The following OR7D2 variants were observed in gnomAD, a reference collection of about 807,000 sequenced individuals.
OR7D2 encodes the protein olfactory receptor family 7 subfamily D member 2.
For missense variants in OR7D2, 370 were observed against 384.1 expected, an observed-to-expected ratio of 0.96 and a Z score of 0.31; for synonymous variants, 158 against 158.7, an observed-to-expected ratio of 1.00 and a Z score of 0.03.
At chr19:9,185,351 T>A (rs1456426800) in intron 2 of OR7D2, among the ~76,000 whole-genome samples, 5 of 151,788 alleles carry the variant, frequency 3.3e-5, no homozygotes, top group African/African-American at 1.2e-4. Context: ...GTGGTTGAGA[T>A]GAGAGACTTC....
chr19:9,183,487 G>A (rs1362994696), intron 2 of OR7D2, among the ~76,000 whole-genome samples: 1 of 151,536 alleles, frequency 6.6e-6, no homozygotes, highest in Non-Finnish European at 1.5e-5. Context: ...TGTGTTGTTC[G>A]GGCTGGTCTT....
chr19:9,186,116 C>T lies in OR7D2; in HGVS notation c.335C>T (p.Thr112Met), dbSNP rs533696058. The T allele has an allele frequency of 7.4e-5, 119 of 1,614,044 alleles. No individual in the cohort carries two copies. Among genetic ancestry groups the T allele is most frequent in the South Asian group, 2.3e-4 (21 of 91,080 alleles). Residue 112 changes from threonine (T) to methionine (M), a missense_variant, in exon 3 of 3, where the codon ACG (threonine) becomes ATG (methionine). Physicochemically the swap from Thr to Met is moderately conservative, Grantham distance 81. Coordinates refer to ENST00000641288, the MANE Select transcript of OR7D2 (RefSeq NM_175883.4). ...TCCATGTTTTTTCCTATTCTGGACA[C>T]GCTACTCCTGACCGTGATGGCCTAT... ...YFSMFFPILD[T>M]LLLTVMAYDR...
intron 1 of OR7D2, among the ~76,000 whole-genome samples, chr19:9,180,233 C>T (rs2050980647): frequency 6.7e-6 from 1 of 150,284 alleles, no homozygotes; most frequent in East Asian, 1.9e-4. Context: ...TCTTTCTGGG[C>T]TCAAGCAAAC....
In OR7D2 at chr19:9,188,223, C is replaced by G. The variant is rs757416484; in HGVS notation, c.*1503C>G. ...TCTCCTGCCTCAACCTCCTGAGTAG[C>G]TGGGACTACAGGCACCTGCCACCCC... is the stretch of plus-strand genomic sequence containing the variant. On this transcript the variant is annotated 3_prime_UTR_variant, in exon 3 of 3. Coordinates refer to ENST00000641288, the MANE Select transcript of OR7D2 (RefSeq NM_175883.4). 5 of 152,302 alleles carry G rather than the reference C, an allele frequency of 3.3e-5. No individual in the cohort carries two copies. Among genetic ancestry groups the G allele is most frequent in the Non-Finnish European group, 7.3e-5 (5 of 68,184 alleles). 9.4% of individuals were successfully genotyped at this position (152,302 alleles called of 1,614,324 possible).
At position 9,185,875 on chromosome 19, in the gene OR7D2, C is replaced by G. The variant is rs2051026989; in HGVS notation, c.94C>G (p.Leu32Val). The change falls in exon 3 of 3, where the codon CTG becomes GTG. Residue 32 changes from leucine to valine, a missense_variant. Coordinates refer to ENST00000641288, the MANE Select transcript of OR7D2 (RefSeq NM_175883.4). ...ACAGCCGTTCATATTTGGGCTGTTC[C>G]TGTCCATGTACCTGGTGACGGTGCT... Reference protein sequence around the residue: ...ELQPFIFGLFLSMYLVTVLGN... With the variant: ...ELQPFIFGLFVSMYLVTVLGN... The G allele has an allele frequency of 3.1e-6, 5 of 1,613,880 alleles. No homozygotes were observed. The highest frequency in any genetic ancestry group is 4.2e-6 in the Non-Finnish European group (5 of 1,179,852).
Position 9,186,206 on chromosome 19 carries a change from G to A in OR7D2, c.425G>A (p.Gly142Asp), listed in dbSNP as rs538116544. Residue 142 changes from glycine to aspartate, a missense_variant, in exon 3 of 3, where the codon GGC becomes GAC. Gly to Asp is a moderately conservative substitution (Grantham distance 94). Coordinates refer to ENST00000641288, the MANE Select transcript of OR7D2 (RefSeq NM_175883.4). ...YMIIMNPHLC[G>D]LLVFVTWLIG... The stretch of plus-strand genomic sequence containing the variant: ...ATCATCATGAACCCCCACCTCTGTG[G>A]CCTCCTGGTTTTTGTCACCTGGCTC... 1.7e-4 allele frequency: 271 copies of A among 1,614,060 alleles called. No homozygotes were observed. The highest frequency in any genetic ancestry group is 2.5e-4 in the Admixed American group (15 of 60,006).
intron 1 of OR7D2, among the ~76,000 whole-genome samples, chr19:9,179,408 C>T (rs8101507): frequency 0.29 from 43,872 of 151,372 alleles, 6,603 homozygotes; most frequent in Non-Finnish European, 0.32. Context: ...GGCATGGTGG[C>T]GGATGCCTGT....
At chr19:9,184,743 T>G (rs1484123056) in intron 2 of OR7D2, among the ~76,000 whole-genome samples, 1 of 152,104 alleles carries the variant, frequency 6.6e-6, no homozygotes, top group Non-Finnish European at 1.5e-5. Flanking sequence ...GTATATATAT[T>G]CCATTGTGTG....
intron 2 of OR7D2, among the ~76,000 whole-genome samples, chr19:9,181,215 A>G (rs1181741124): frequency 1.3e-5 from 2 of 150,856 alleles, no homozygotes; most frequent in Non-Finnish European, 2.9e-5. Context: ...ATAGATATAT[A>G]ATACACTATT....
intron 1 of OR7D2, among the ~76,000 whole-genome samples, chr19:9,179,642 C>G (rs545362223): frequency 6.6e-6 from 1 of 152,294 alleles, no homozygotes; most frequent in Non-Finnish European, 1.5e-5. Flanking sequence ...TCAGTAGGAA[C>G]TGGCACTTCC....
In OR7D2 at chr19:9,187,637, C is replaced by G. The variant is rs1431392921; in HGVS notation, c.*917C>G. On this transcript the variant is annotated 3_prime_UTR_variant, in exon 3 of 3. Transcript: ENST00000641288. ...TAGTAGTCTCTTATTCCTCACCCCC[C>G]TCCCAACCTTTCTCCCTTCAAGTCA... The G allele has an allele frequency of 6.0e-6, 1 of 166,998 alleles. No homozygotes were observed. The highest frequency in any genetic ancestry group is 1.9e-4 in the East Asian group (1 of 5,200). 10.3% of individuals were successfully genotyped at this position (166,998 alleles called of 1,614,324 possible).
Position 9,186,640 on chromosome 19 carries a change from C to G in OR7D2, c.859C>G (p.Pro287Ala). Reference sequence around the variant, plus strand: ...CACTGTGGTCACCCCCATGTTGAACCCCTTCATCTACAGCCTGAGGAACAA... The same window carrying G: ...CACTGTGGTCACCCCCATGTTGAACGCCTTCATCTACAGCCTGAGGAACAA... Reference protein sequence around the residue: ...MYTVVTPMLNPFIYSLRNKDV... With the variant: ...MYTVVTPMLNAFIYSLRNKDV... The change falls in exon 3 of 3, where the codon CCC becomes GCC. Residue 287 changes from proline (P) to alanine (A), a missense_variant. Physicochemically the swap from Pro to Ala is conservative, Grantham distance 27 (BLOSUM62 -1). Transcript: ENST00000641288. The G allele has an allele frequency of 1.2e-6, 2 of 1,614,094 alleles. No individual in the cohort carries two copies. Among genetic ancestry groups the G allele is most frequent in the Non-Finnish European group, 1.7e-6 (2 of 1,180,016 alleles).
In OR7D2 at chr19:9,183,812, C is replaced by T. The variant is rs529350990; in HGVS notation, c.-13-1957C>T. Among the ~76,000 whole-genome samples, 22 of 148,346 alleles carry T rather than the reference C, an allele frequency of 1.5e-4. No individual in the cohort carries two copies. The South Asian group carries it at 4.1e-3, about 28-fold the overall frequency. ...CTCTACTAAAAGTACAAAAAATTAG[C>T]CGGGCGAGGTGGCGGGCGCCTGTAG... On this transcript the variant is annotated intron_variant, in intron 2 of 2. Transcript: ENST00000641288.
rs2051055679 is a variant in OR7D2 at position 9,188,468 on chromosome 19, T to C, written c.*1748T>C. On this transcript the variant is annotated 3_prime_UTR_variant, in exon 3 of 3. Transcript: ENST00000641288. ...GACACGTAGGTTGATTCCATATCTT[T>C]GCTAATGTGAATAGTGCCGTGATAA... The C allele has an allele frequency of 6.0e-6, 1 of 167,104 alleles. No homozygotes were observed. Among genetic ancestry groups the C allele is most frequent in the Non-Finnish European group, 1.5e-5 (1 of 68,134 alleles). 10.4% of individuals were successfully genotyped at this position (167,104 alleles called of 1,614,324 possible). A position where few individuals can be genotyped will look rare whatever the true frequency, so the allele number is the denominator to read the frequency against.
Position 9,185,871 on chromosome 19 carries a change from G to C in OR7D2, c.90G>C (p.Leu30=). Residue 30 remains leucine, a synonymous_variant, in exon 3 of 3, where the codon CTG becomes CTC. Coordinates refer to ENST00000641288, the MANE Select transcript of OR7D2 (RefSeq NM_175883.4). ...DPELQPFIFG[L]FLSMYLVTVL... ...AACTACAGCCGTTCATATTTGGGCT[G>C]TTCCTGTCCATGTACCTGGTGACGG... 10 of 1,613,796 alleles carry C rather than the reference G, an allele frequency of 6.2e-6. No individual in the cohort carries two copies. Among genetic ancestry groups the C allele is most frequent in the Non-Finnish European group, 8.5e-6 (10 of 1,179,836 alleles).
chr19:9,186,767 C>T lies in OR7D2; in HGVS notation c.*47C>T. 1 of 1,254,684 alleles carries T rather than the reference C, an allele frequency of 8.0e-7. No individual in the cohort carries two copies. The highest frequency in any genetic ancestry group is 1.9e-4 in the Middle Eastern group (1 of 5,194). 77.7% of individuals were successfully genotyped at this position (1,254,684 alleles called of 1,614,324 possible). ...TAAGAAGTTTTGTGAGCACCAATGG[C>T]AAAAATGTTTTATTTTGAAATTCTT... On this transcript the variant is annotated 3_prime_UTR_variant, in exon 3 of 3. Coordinates refer to ENST00000641288, the MANE Select transcript of OR7D2 (RefSeq NM_175883.4).
intron 2 of OR7D2, among the ~76,000 whole-genome samples, chr19:9,184,766 T>C (rs1331636396): frequency 6.6e-6 from 1 of 152,182 alleles, no homozygotes; most frequent in Non-Finnish European, 1.5e-5. Flanking sequence ...TATATATGTA[T>C]GTGTGTGTAT....
Position 9,186,374 on chromosome 19 carries a change from T to A in OR7D2, c.593T>A (p.Leu198Ter). The change falls in exon 3 of 3, where the codon TTG becomes TAG. Residue 198 changes from leucine (L) to a stop codon, truncating the protein, a stop_gained. Transcript: ENST00000641288. LOFTEE classifies it low-confidence loss of function (END_TRUNC). ...ACSDTFLNST[L>*]IYFMTGVLGV... is the part of the protein sequence containing the mutation. ...TCTGATACCTTCCTGAACAGCACGT[T>A]GATATACTTTATGACGGGTGTGCTG... The A allele has an allele frequency of 6.2e-7, 1 of 1,613,900 alleles. No homozygotes were observed. Among genetic ancestry groups the A allele is most frequent in the Non-Finnish European group, 8.5e-7 (1 of 1,179,836 alleles).
intron 1 of OR7D2, among the ~76,000 whole-genome samples, chr19:9,180,327 G>T (rs368204202): frequency 3.9e-5 from 6 of 152,050 alleles, no homozygotes; most frequent in East Asian, 3.9e-4. Context: ...GTCTAGGCTG[G>T]TCTCAAACTC....
Sources: gnomAD v4.1 joint callset for allele counts (sites outside exome capture counted in the v4.1 genomes callset) on GRCh38, gnomAD v4.1.1 for gene constraint, MANE v1.5 for transcripts, NCBI Gene and HGNC (gene_info 2026-07-23, HGNC 2026-07-21) for gene names.